TBC1D12: variants seen among roughly 807,000 people sequenced by gnomAD.
TBC1D12 encodes TBC1 domain family, member 12.
In TBC1D12, 56 loss-of-function variants were observed where a neutral mutation model predicts 86.7. The observed-to-expected ratio is 0.65, with a 90% CI of 0.52 to 0.81. The LOEUF (loss-of-function observed/expected upper bound fraction) is 0.81. Ranked by LOEUF, TBC1D12 falls within the 30% of genes least tolerant of loss-of-function variation. The pLI, the probability that TBC1D12 is intolerant of heterozygous loss-of-function variation, is 0.00. For missense variants in TBC1D12, 1,023 were observed against 1,038.8 expected, an observed-to-expected ratio of 0.98 and a Z score of 0.21; for synonymous variants, 421 against 411.7, an observed-to-expected ratio of 1.02 and a Z score of -0.27.
chr10:94,497,228 T>A, intron 5 of TBC1D12, 56 bp downstream of exon 5: 4 of 313,538 alleles, frequency 1.3e-5, no homozygotes, highest in Non-Finnish European at 2.1e-5. Flanking sequence ...CTCATGTTTC[T>A]TTTTTTTTTT....
intron 3 of TBC1D12, among the ~76,000 whole-genome samples, chr10:94,478,830 C>G (rs2056033608): frequency 6.6e-6 from 1 of 152,072 alleles, no homozygotes; most frequent in Non-Finnish European, 1.5e-5. Context: ...TGCTTTCTAC[C>G]TATGTCATAG....
At chr10:94,438,487 C>T (rs1231790316) in intron 1 of TBC1D12, among the ~76,000 whole-genome samples, 1 of 151,992 alleles carries the variant, frequency 6.6e-6, no homozygotes, top group Non-Finnish European at 1.5e-5. Flanking sequence ...GCCTGCATCA[C>T]TCCCTTAGGG....
At chr10:94,441,872 T>C in intron 1 of TBC1D12, 24 bp from the exon 2 acceptor site, 1 of 1,602,038 alleles carries the variant, frequency 6.2e-7, no homozygotes, top group South Asian at 1.1e-5. Context: ...AAAACACAAT[T>C]CATGTAACTT....
At chr10:94,451,099 A>G (rs2055543037) in intron 2 of TBC1D12, among the ~76,000 whole-genome samples, 1 of 152,024 alleles carries the variant, frequency 6.6e-6, no homozygotes, top group Admixed American at 6.6e-5. Context: ...GATAGAAGGA[A>G]TAAGTTCTAG....
intron 11 of TBC1D12, among the ~76,000 whole-genome samples, chr10:94,529,720 A>T (rs1842378523): frequency 6.6e-6 from 1 of 152,148 alleles, no homozygotes; most frequent in Non-Finnish European, 1.5e-5. Flanking sequence ...TTTTAATATT[A>T]TGGGACTGAG....
In TBC1D12 at chr10:94,412,993, G is replaced by A. The variant is rs75886818; in HGVS notation, c.971+9409G>A. On this transcript the variant is annotated intron_variant, in intron 1 of 12. Coordinates refer to ENST00000225235, the MANE Select transcript of TBC1D12 (RefSeq NM_015188.2). ...ATCCAACTTTTTAAAAAGACCCCCA[G>A]GTGATTCTGATGCAGGCGATTCCCC... Among the ~76,000 whole-genome samples the A allele has an allele frequency of 2.6e-3, 390 of 152,312 alleles. 9 individuals carry two copies. The East Asian group carries it at 0.057, about 22-fold the overall frequency.
At chr10:94,507,445 T>C (rs1049840908) in intron 7 of TBC1D12, 98 bp downstream of exon 7, 3 of 1,093,708 alleles carry the variant, frequency 2.7e-6, no homozygotes, top group African/African-American at 1.6e-5. Context: ...TATCATCTTA[T>C]TTAATCTTAA....
At chr10:94,494,423 A>G (rs765248682) in intron 4 of TBC1D12, among the ~76,000 whole-genome samples, 3 of 152,262 alleles carry the variant, frequency 2.0e-5, no homozygotes, top group Non-Finnish European at 2.9e-5. Context: ...TTAAGTAAAC[A>G]TAGGATATAT....
chr10:94,430,053 C>T (rs184452800), intron 1 of TBC1D12, among the ~76,000 whole-genome samples: 10 of 152,146 alleles, frequency 6.6e-5, no homozygotes, highest in Admixed American at 6.5e-4. Flanking sequence ...ATTCTATCCC[C>T]CCACCCCAAT....
chr10:94,513,699 G>C (rs1400698978), intron 9 of TBC1D12, among the ~76,000 whole-genome samples: 1 of 151,868 alleles, frequency 6.6e-6, no homozygotes, highest in East Asian at 1.9e-4. Flanking sequence ...AGGTAGCTGG[G>C]ACTGCAGGCA....
intron 3 of TBC1D12, among the ~76,000 whole-genome samples, chr10:94,478,682 G>C (rs1273225185): frequency 6.6e-6 from 1 of 152,178 alleles, no homozygotes; most frequent in African/African-American, 2.4e-5. Flanking sequence ...TAAAGGTCAA[G>C]AGCCATCACA....
intron 9 of TBC1D12, among the ~76,000 whole-genome samples, chr10:94,520,915 C>T (rs1290752844): frequency 3.3e-5 from 5 of 152,182 alleles, no homozygotes; most frequent in African/African-American, 1.2e-4. Context: ...CCCGCCTCGG[C>T]CTCCCAAAGT....
At chr10:94,453,610 A>G (rs554434439) in intron 2 of TBC1D12, among the ~76,000 whole-genome samples, 89 of 152,310 alleles carry the variant, frequency 5.8e-4, no homozygotes, top group Non-Finnish European at 9.9e-4. Context: ...ATATTTCCCA[A>G]GGATAAGGGG....
In TBC1D12 at chr10:94,500,211, T is replaced by A; in HGVS notation, c.1413-10T>A. ...TAACTTTCTCCTTTTTTCTCCTCCTTTAATTCTAGGCGTAGTACAAGAAGA... is the reference window on the plus strand; with the variant it reads ...TAACTTTCTCCTTTTTTCTCCTCCTATAATTCTAGGCGTAGTACAAGAAGA... On this transcript the variant is annotated splice_polypyrimidine_tract_variant and intron_variant, in intron 5 of 12. Coordinates refer to ENST00000225235, the MANE Select transcript of TBC1D12 (RefSeq NM_015188.2). The A allele has an allele frequency of 6.2e-7, 1 of 1,609,812 alleles. No individual in the cohort carries two copies. Among genetic ancestry groups the A allele is most frequent in the Non-Finnish European group, 8.5e-7 (1 of 1,178,532 alleles).
chr10:94,466,895 C>G (rs2055833130), intron 2 of TBC1D12, among the ~76,000 whole-genome samples: 1 of 152,166 alleles, frequency 6.6e-6, no homozygotes, highest in Non-Finnish European at 1.5e-5. Flanking sequence ...TCCTTAGTCT[C>G]TATGGCCTTT....
intron 1 of TBC1D12, among the ~76,000 whole-genome samples, chr10:94,438,334 G>C (rs2134086157): frequency 6.6e-6 from 1 of 152,070 alleles, no homozygotes; most frequent in Middle Eastern, 3.4e-3. Flanking sequence ...TGTTGTCTCT[G>C]TGGCTAGCTG....
chr10:94,449,077 T>G (rs2062700158), intron 2 of TBC1D12, among the ~76,000 whole-genome samples: 1 of 152,138 alleles, frequency 6.6e-6, no homozygotes. Context: ...ATTAAAAGAA[T>G]AAAGATAAGT....
chr10:94,434,589 T>C (rs1309987930), intron 1 of TBC1D12, among the ~76,000 whole-genome samples: 1 of 151,742 alleles, frequency 6.6e-6, no homozygotes, highest in Non-Finnish European at 1.5e-5. Flanking sequence ...ACTGGGACAT[T>C]AGGATTACAT....
At chr10:94,502,951 T>C (rs2056417845) in intron 6 of TBC1D12, among the ~76,000 whole-genome samples, 1 of 152,230 alleles carries the variant, frequency 6.6e-6, no homozygotes, top group Non-Finnish European at 1.5e-5. Flanking sequence ...GTATATTCTT[T>C]CTGGTCTTTT....
Sources: gnomAD v4.1 joint callset for allele counts (sites outside exome capture counted in the v4.1 genomes callset) on GRCh38, gnomAD v4.1.1 for gene constraint, MANE v1.5 for transcripts, NCBI Gene and HGNC (gene_info 2026-07-23, HGNC 2026-07-21) for gene names.